The following LMBR1 variants were observed in gnomAD, a reference collection of about 807,000 sequenced individuals.
LMBR1 encodes the protein limb development membrane protein 1.
A neutral mutation model predicts 73.9 loss-of-function variants in LMBR1; 52 were observed. That is an observed-to-expected ratio of 0.70 (90% CI 0.56 to 0.89). The LOEUF (loss-of-function observed/expected upper bound fraction) is 0.89. LMBR1 is among the 40% of genes least tolerant of loss of function. The probability of loss-of-function intolerance (pLI) is 0.00; values close to 1 mark genes in which losing one functional copy is unlikely to be tolerated. For synonymous variants in LMBR1, 215 were observed against 209.4 expected (o/e 1.03, Z -0.23); for missense variants, 539 against 579.8 (o/e 0.93, Z 0.72).
intron 15 of LMBR1, among the ~76,000 whole-genome samples, chr7:156,701,720 C>T (rs999212251): frequency 8.5e-5 from 13 of 152,204 alleles, no homozygotes; most frequent in African/African-American, 3.1e-4. Flanking sequence ...TGGTTTGCTG[C>T]ACCTATCAAT....
chr7:156,749,617 AC>A (rs761118879), intron 9 of LMBR1, among the ~76,000 whole-genome samples: 69 of 152,254 alleles, frequency 4.5e-4, no homozygotes, highest in Non-Finnish European at 9.3e-4. Context: ...CCAATCTGAC[AC>A]CCAGCAAAAA....
intron 1 of LMBR1, among the ~76,000 whole-genome samples, chr7:156,879,024 C>T (rs1049622487): frequency 7.9e-5 from 12 of 152,186 alleles, no homozygotes; most frequent in African/African-American, 2.9e-4. Context: ...CCTCATCTCT[C>T]ACCTTATATA....
intron 10 of LMBR1, among the ~76,000 whole-genome samples, chr7:156,731,836 T>C (rs1383788938): frequency 1.3e-5 from 2 of 151,688 alleles, no homozygotes; most frequent in Admixed American, 6.6e-5. Context: ...TGCAAACTAA[T>C]ACAACTATGT....
At chr7:156,808,312 T>C (rs550213159) in intron 4 of LMBR1, among the ~76,000 whole-genome samples, 1 of 152,310 alleles carries the variant, frequency 6.6e-6, no homozygotes, top group African/African-American at 2.4e-5. Context: ...TTAGGCTCTT[T>C]GGGTGAACAA....
intron 4 of LMBR1, among the ~76,000 whole-genome samples, chr7:156,803,928 G>C (rs1831505289): frequency 6.8e-6 from 1 of 147,344 alleles, no homozygotes; most frequent in African/African-American, 2.5e-5. Flanking sequence ...TCACTCATAG[G>C]TGGGAATTGA....
chr7:156,750,733 A>G (rs1186140396), intron 9 of LMBR1, among the ~76,000 whole-genome samples: 1 of 152,206 alleles, frequency 6.6e-6, no homozygotes, highest in Non-Finnish European at 1.5e-5. Flanking sequence ...GCAACATTAT[A>G]GAATCAGGGT....
intron 1 of LMBR1, among the ~76,000 whole-genome samples, chr7:156,879,030 A>T (rs1005322397): frequency 7.2e-5 from 11 of 152,230 alleles, no homozygotes; most frequent in African/African-American, 2.7e-4. Context: ...CTCTCACCTT[A>T]TATAAAAATC....
intron 1 of LMBR1, among the ~76,000 whole-genome samples, chr7:156,879,650 C>A (rs375042390): frequency 2.5e-5 from 3 of 119,468 alleles, no homozygotes; most frequent in Admixed American, 1.1e-4. Context: ...GGTGACAGAG[C>A]GAGACTCTGT....
rs192504790 is a variant in LMBR1, at chr7:156,734,408, C to T, written c.758-151G>A. The T allele has an allele frequency of 7.4e-6, 4 of 537,236 alleles. No individual in the cohort carries two copies. In the East Asian group the frequency reaches 1.2e-4, roughly 16 times the overall value. The allele number at this position is 537,236 out of a possible 1,614,324, so 33.3% of individuals were successfully genotyped here. A position where few individuals can be genotyped will look rare whatever the true frequency, so the allele number is the denominator to read the frequency against. ...TGCTGTGATTCAGAGGAAAGCACAT[C>T]CATATATTTACCAATTAAAACTTCT... is the stretch of plus-strand genomic sequence containing the variant. On this transcript the variant is annotated intron_variant, in intron 9 of 16. Transcript: ENST00000353442.
chr7:156,707,373 C>G (rs1477349920), intron 15 of LMBR1, among the ~76,000 whole-genome samples: 1 of 152,148 alleles, frequency 6.6e-6, no homozygotes, highest in East Asian at 1.9e-4. Flanking sequence ...GGAATTCTTC[C>G]TAAGTCATTC....
chr7:156,858,540 A>G (rs1217314739), intron 1 of LMBR1, among the ~76,000 whole-genome samples: 2 of 152,196 alleles, frequency 1.3e-5, no homozygotes, highest in Non-Finnish European at 2.9e-5. Context: ...AAGCAGAGGG[A>G]ATGCTTTCTA....
chr7:156,712,361 A>G (rs1241302441), intron 15 of LMBR1, among the ~76,000 whole-genome samples: 1 of 152,214 alleles, frequency 6.6e-6, no homozygotes, highest in Non-Finnish European at 1.5e-5. Context: ...AAAAAAAACA[A>G]CAAATGTTGG....
At chr7:156,788,414 T>G (rs1054759268) in intron 5 of LMBR1, among the ~76,000 whole-genome samples, 2 of 152,204 alleles carry the variant, frequency 1.3e-5, no homozygotes, top group Non-Finnish European at 2.9e-5. Flanking sequence ...TTATTTATGA[T>G]ACTTAACCAA....
chr7:156,746,887 C>T (rs926845668), intron 9 of LMBR1, among the ~76,000 whole-genome samples: 7 of 152,162 alleles, frequency 4.6e-5, no homozygotes, highest in African/African-American at 1.7e-4. Context: ...ATTATCATTA[C>T]TTTATTTCCA....
At chr7:156,738,674 T>C (rs1382384428) in intron 9 of LMBR1, among the ~76,000 whole-genome samples, 1 of 152,152 alleles carries the variant, frequency 6.6e-6, no homozygotes, top group African/African-American at 2.4e-5. Context: ...GAGGGCCCCA[T>C]TCTAGGCCCT....
chr7:156,752,403 T>C (rs1400420644), intron 9 of LMBR1, among the ~76,000 whole-genome samples: 1 of 151,978 alleles, frequency 6.6e-6, no homozygotes, highest in East Asian at 1.9e-4. Context: ...AAGGATACAG[T>C]TGGGGAAAAA....
At chr7:156,762,274 A>G in intron 7 of LMBR1, 76 bp from the exon 8 acceptor site, 2 of 854,582 alleles carry the variant, frequency 2.3e-6, no homozygotes, top group South Asian at 1.5e-5. Flanking sequence ...ACTAGACTGT[A>G]AAAATAAGGG....
intron 2 of LMBR1, among the ~76,000 whole-genome samples, chr7:156,835,419 G>A (rs150799176): frequency 3.3e-5 from 5 of 152,310 alleles, no homozygotes; most frequent in African/African-American, 9.6e-5. Flanking sequence ...TCTTGGCCAG[G>A]CGCAGTGGCT....
At chr7:156,857,772 ATAGAAT>A (rs1797172166) in intron 1 of LMBR1, among the ~76,000 whole-genome samples, 1 of 152,236 alleles carries the variant, frequency 6.6e-6, no homozygotes, top group Non-Finnish European at 1.5e-5. Flanking sequence ...TCAGATCACA[ATAGAAT>A]TAAACTATAA....
Sources: allele counts gnomAD v4.1 joint callset (sites outside exome capture counted in the v4.1 genomes callset), GRCh38; gene constraint gnomAD v4.1.1; transcripts MANE v1.5; gene names NCBI Gene and HGNC (gene_info 2026-07-23, HGNC 2026-07-21).